EML4: variants seen among roughly 807,000 people sequenced by gnomAD.
EML4 encodes the protein EMAP like 4.
EML4 carries 72 observed loss-of-function variants against 129.0 expected under a neutral mutation model. The ratio of observed to expected loss-of-function variants is 0.56; its 90% confidence interval spans 0.46 to 0.68. EML4 has a LOEUF of 0.68. EML4 is among the 30% of genes least tolerant of loss of function. The pLI, the probability that EML4 is intolerant of heterozygous loss-of-function variation, is 0.00. For synonymous variants in EML4, 532 were observed against 405.0 expected (o/e 1.31, Z -3.77); for missense variants, 1,363 against 1,190.6 (o/e 1.14, Z -2.13).
intron 11 of EML4, among the ~76,000 whole-genome samples, chr2:42,292,491 T>G (rs1403520762): frequency 1.3e-5 from 2 of 152,148 alleles, no homozygotes; most frequent in East Asian, 3.8e-4. Flanking sequence ...ATTTTAGAAA[T>G]GAAATGTTGA....
At chr2:42,259,722 CTTTTTT>C (rs780243101) in intron 3 of EML4, among the ~76,000 whole-genome samples, 38 of 98,316 alleles carry the variant, frequency 3.9e-4, no homozygotes, top group African/African-American at 1.5e-3. Context: ...TTCTTTCTTT[CTTTTTT>C]TTTTTTTTTT....
chr2:42,281,083 C>T (rs932229879), intron 7 of EML4, 110 bp downstream of exon 7: 3 of 912,784 alleles, frequency 3.3e-6, no homozygotes, highest in Non-Finnish European at 4.8e-6. Flanking sequence ...AAAGTAACAG[C>T]TACTTAAAAA....
chr2:42,200,208 C>G (rs1672142250), intron 1 of EML4, among the ~76,000 whole-genome samples: 3 of 151,466 alleles, frequency 2.0e-5, no homozygotes, highest in Admixed American at 1.3e-4. Flanking sequence ...ACCTGTAGTC[C>G]CAGCTACTCG....
At chr2:42,302,784 T>C (rs1005200088) in intron 14 of EML4, among the ~76,000 whole-genome samples, 1 of 152,192 alleles carries the variant, frequency 6.6e-6, no homozygotes, top group African/African-American at 2.4e-5. Flanking sequence ...TCCACCCGCA[T>C]TGGCCTCCAA....
intron 11 of EML4, among the ~76,000 whole-genome samples, chr2:42,294,591 G>C (rs1470186912): frequency 2.0e-5 from 3 of 152,100 alleles, no homozygotes; most frequent in Admixed American, 6.5e-5. Flanking sequence ...AGCTACTGGG[G>C]AGGCTAAGGC....
At chr2:42,190,299 A>G (rs979576764) in intron 1 of EML4, among the ~76,000 whole-genome samples, 5 of 152,080 alleles carry the variant, frequency 3.3e-5, no homozygotes, top group Non-Finnish European at 7.4e-5. Context: ...ATGTCAGGTC[A>G]TAGTTAGGAG....
intron 1 of EML4, among the ~76,000 whole-genome samples, chr2:42,177,460 A>G (rs890851088): frequency 6.6e-6 from 1 of 151,966 alleles, no homozygotes; most frequent in Non-Finnish European, 1.5e-5. Context: ...GTCTCTACCA[A>G]AAGTACAAAA....
chr2:42,218,705 C>G (rs929470397), intron 1 of EML4, among the ~76,000 whole-genome samples: 1 of 152,182 alleles, frequency 6.6e-6, no homozygotes, highest in Non-Finnish European at 1.5e-5. Flanking sequence ...CAATACAATT[C>G]CATACTAAAG....
At chr2:42,175,762 G>T (rs556471146) in intron 1 of EML4, among the ~76,000 whole-genome samples, 3 of 152,142 alleles carry the variant, frequency 2.0e-5, no homozygotes, top group African/African-American at 7.2e-5. Context: ...GCCTCCCAAA[G>T]TGCTGGGATT....
intron 6 of EML4, among the ~76,000 whole-genome samples, chr2:42,280,203 ACAAAATTTTCTTTAG>A (rs1166031405): frequency 6.6e-6 from 1 of 152,228 alleles, no homozygotes; most frequent in Non-Finnish European, 1.5e-5. Context: ...AACTGCTGTC[ACAAAATTTTCTTTAG>A]CATTTTTCTA....
At chr2:42,229,129 G>A (rs183681300) in intron 1 of EML4, among the ~76,000 whole-genome samples, 2 of 152,202 alleles carry the variant, frequency 1.3e-5, no homozygotes, top group Admixed American at 6.5e-5. Context: ...GGTGATCTAG[G>A]TGTGGGTTTA....
chr2:42,271,603 T>TG (rs1482946159), intron 6 of EML4, among the ~76,000 whole-genome samples: 1 of 152,238 alleles, frequency 6.6e-6, no homozygotes, highest in Non-Finnish European at 1.5e-5. Context: ...CTGCCTTCTC[T>TG]GGACATCAAG....
chr2:42,214,547 TA>T (rs939550117), intron 1 of EML4, among the ~76,000 whole-genome samples: 2 of 152,124 alleles, frequency 1.3e-5, no homozygotes, highest in African/African-American at 4.8e-5. Context: ...CTATTCTGGT[TA>T]AAAAAACAAA....
At chr2:42,297,056 T>A (rs1667998989) in intron 13 of EML4, among the ~76,000 whole-genome samples, 1 of 152,234 alleles carries the variant, frequency 6.6e-6, no homozygotes, top group African/African-American at 2.4e-5. Flanking sequence ...TGTATTACCA[T>A]TGACTCCTAT....
intron 13 of EML4, among the ~76,000 whole-genome samples, chr2:42,299,770 C>CA (rs1668176477): frequency 6.6e-6 from 1 of 152,110 alleles, no homozygotes; most frequent in Non-Finnish European, 1.5e-5. Flanking sequence ...GCTCACTGAA[C>CA]CTCCGCCTCC....
At chr2:42,226,252 A>C (rs978032137) in intron 1 of EML4, among the ~76,000 whole-genome samples, 2 of 152,144 alleles carry the variant, frequency 1.3e-5, no homozygotes, top group African/African-American at 4.8e-5. Context: ...TAGCCATGAC[A>C]CTGAAGGGAC....
intron 17 of EML4, 78 bp from the exon 18 acceptor site, chr2:42,315,884 A>T (rs748616914): frequency 1.8e-6 from 2 of 1,113,694 alleles, no homozygotes; most frequent in Non-Finnish European, 2.7e-6. Flanking sequence ...CCATCTCAAA[A>T]AAAAAAGAAA....
At chr2:42,188,045 T>G (rs567079064) in intron 1 of EML4, among the ~76,000 whole-genome samples, 1 of 152,186 alleles carries the variant, frequency 6.6e-6, no homozygotes, top group Non-Finnish European at 1.5e-5. Context: ...ATTTGCACAC[T>G]GATGATTTTT....
chr2:42,191,635 GTTGACATTGTT>G (rs1671586066), intron 1 of EML4, among the ~76,000 whole-genome samples: 1 of 152,206 alleles, frequency 6.6e-6, no homozygotes, highest in African/African-American at 2.4e-5. Flanking sequence ...AATTGTGTCT[GTTGACATTGTT>G]TAATATTGAT....
Sources: allele counts gnomAD v4.1 joint callset (sites outside exome capture counted in the v4.1 genomes callset), GRCh38; gene constraint gnomAD v4.1.1; transcripts MANE v1.5; gene names NCBI Gene and HGNC (gene_info 2026-07-23, HGNC 2026-07-21).